STAB2: variants seen among roughly 807,000 people sequenced by gnomAD.
STAB2 encodes the protein stabilin 2.
Under a neutral mutation model 338.1 loss-of-function variants are expected in STAB2, and 288 were observed. The observed-to-expected ratio is 0.85, with a 90% CI of 0.77 to 0.94. The LOEUF is 0.94. Ranked by LOEUF, STAB2 falls within the 40% of genes least tolerant of loss-of-function variation. The probability of loss-of-function intolerance (pLI) is 0.00; values close to 1 mark genes in which losing one functional copy is unlikely to be tolerated. For synonymous variants in STAB2, 1,202 were observed against 1,193.3 expected, an observed-to-expected ratio of 1.01 and a Z score of -0.15; for missense variants, 3,141 against 3,210.1, an observed-to-expected ratio of 0.98 and a Z score of 0.52.
intron 15 of STAB2, among the ~76,000 whole-genome samples, chr12:103,660,048 G>A (rs1874476317): frequency 6.6e-6 from 1 of 152,206 alleles, no homozygotes; most frequent in South Asian, 2.1e-4. Context: ...TTTGAATGTC[G>A]GTATTACCAC....
intron 3 of STAB2, among the ~76,000 whole-genome samples, chr12:103,608,382 T>A (rs1417451873): frequency 3.3e-5 from 5 of 152,190 alleles, no homozygotes; most frequent in Admixed American, 6.5e-5. Flanking sequence ...GACCTCGTGA[T>A]CCGCCCGCCT....
chr12:103,748,539 A>G (rs1883261234), intron 58 of STAB2, among the ~76,000 whole-genome samples: 1 of 151,724 alleles, frequency 6.6e-6, no homozygotes, highest in Non-Finnish European at 1.5e-5. Context: ...AATGGGGACA[A>G]CAATGTCTAT....
chr12:103,618,432 T>C (rs1269327809), intron 3 of STAB2, among the ~76,000 whole-genome samples: 1 of 152,222 alleles, frequency 6.6e-6, no homozygotes, highest in South Asian at 2.1e-4. Context: ...TTCTGTTGTT[T>C]ATAAGCCACC....
chr12:103,618,610 G>A (rs76079616), intron 3 of STAB2, among the ~76,000 whole-genome samples: 2,392 of 152,272 alleles, frequency 0.016, 72 homozygotes, highest in African/African-American at 0.055. Context: ...AGAGGGAAGG[G>A]ACAGCAGGAA....
At chr12:103,608,335 G>C (rs148874629) in intron 3 of STAB2, among the ~76,000 whole-genome samples, 11 of 152,212 alleles carry the variant, frequency 7.2e-5, no homozygotes, top group Non-Finnish European at 1.3e-4. Flanking sequence ...GTGGAGACAG[G>C]GTTTCACCGT....
chr12:103,717,697 C>A (rs1880430656), intron 43 of STAB2, 73 bp from the exon 44 acceptor site: 1 of 1,338,022 alleles, frequency 7.5e-7, no homozygotes, highest in Non-Finnish European at 1.1e-6. Flanking sequence ...GAGTTCAGGT[C>A]TGAGAGCCAG....
intron 21 of STAB2, among the ~76,000 whole-genome samples, chr12:103,670,277 A>G (rs998615089): frequency 6.6e-6 from 1 of 152,206 alleles, no homozygotes; most frequent in African/African-American, 2.4e-5. Context: ...CAGCACACAT[A>G]TGACCTTGCC....
intron 44 of STAB2, among the ~76,000 whole-genome samples, chr12:103,722,051 G>A (rs1305682669): frequency 1.3e-5 from 2 of 152,190 alleles, no homozygotes; most frequent in Non-Finnish European, 2.9e-5. Flanking sequence ...AAGATTTCCA[G>A]TGAAATGTAA....
chr12:103,660,089 T>TATTGGGTC (rs1874480075), intron 15 of STAB2, among the ~76,000 whole-genome samples: 1 of 152,188 alleles, frequency 6.6e-6, no homozygotes, highest in Admixed American at 6.5e-5. Context: ...AGTCCCCACC[T>TATTGGGTC]CACACGGCTG....
chr12:103,634,499 CT>C (rs1375909921), intron 6 of STAB2, among the ~76,000 whole-genome samples: 1 of 152,262 alleles, frequency 6.6e-6, no homozygotes, highest in Non-Finnish European at 1.5e-5. Context: ...GTCCAACACA[CT>C]CACATATCTT....
In STAB2 at chr12:103,640,219, A is replaced by T; in HGVS notation, c.1003A>T (p.Asn335Tyr). The change falls in exon 9 of 69, where the codon AAT (asparagine) becomes TAT (tyrosine). Residue 335 changes from asparagine (N) to tyrosine (Y), a missense_variant. Physicochemically the swap from Asn to Tyr is moderately radical, Grantham distance 143. Transcript: ENST00000388887. ...TAAATCAGATAACCCGTGTCATAGGAATGCAAATTGCACCACCGTCGCACC... is the reference window on the plus strand; with the variant it reads ...TAAATCAGATAACCCGTGTCATAGGTATGCAAATTGCACCACCGTCGCACC... ...ICKSDNPCHR[N>Y]ANCTTVAPGR... 1 of 1,613,708 alleles carries T rather than the reference A, an allele frequency of 6.2e-7. No homozygotes were observed. The highest frequency in any genetic ancestry group is 8.5e-7 in the Non-Finnish European group (1 of 1,179,742).
chr12:103,647,483 G>T (rs942486656), intron 9 of STAB2, among the ~76,000 whole-genome samples: 1 of 152,074 alleles, frequency 6.6e-6, no homozygotes, highest in African/African-American at 2.4e-5. Context: ...CCCTTACTTC[G>T]CTTTGGTTCC....
rs1874047215 is a variant in STAB2, at chr12:103,654,757, A to G, written c.1551+59A>G. The G allele has an allele frequency of 1.5e-5, 23 of 1,574,692 alleles. 2 individuals carry two copies. The South Asian group carries it at 2.7e-4, about 19-fold the overall frequency. On this transcript the variant is annotated intron_variant, in intron 13 of 68. Transcript: ENST00000388887. ...GTCCATCTTCCTTTGTTCCCTGGAG[A>G]GTCACATCCAGAGCATGCCAGCACT...
At chr12:103,610,431 G>A (rs149910690) in intron 3 of STAB2, among the ~76,000 whole-genome samples, 2,630 of 152,180 alleles carry the variant, frequency 0.017, 69 homozygotes, top group African/African-American at 0.06. Context: ...TGTATGTGTC[G>A]AGGAATTTAT....
chr12:103,685,136 T>C (rs1216000631), intron 27 of STAB2, 52 bp downstream of exon 27: 6 of 1,548,476 alleles, frequency 3.9e-6, no homozygotes, highest in Non-Finnish European at 5.3e-6. Flanking sequence ...TTTAAAAACC[T>C]CTTAGCTAAG....
In STAB2 at chr12:103,692,472, C is replaced by T. The variant is rs975509156; in HGVS notation, c.3298-340C>T. On this transcript the variant is annotated intron_variant, in intron 30 of 68. Transcript: ENST00000388887. The stretch of plus-strand genomic sequence containing the variant: ...GGTCACTTTAATGAGCCTCGAACAG[C>T]ACTTTTGTCAATGAAATAGCATGGA... Among the ~76,000 whole-genome samples, 7 of 152,324 alleles carry T rather than the reference C, an allele frequency of 4.6e-5. 1 individual carries two copies. In the South Asian group the frequency reaches 1.5e-3, roughly 32 times the overall value.
At chr12:103,590,248 G>C (rs1005172450) in intron 1 of STAB2, among the ~76,000 whole-genome samples, 1 of 152,126 alleles carries the variant, frequency 6.6e-6, no homozygotes, top group African/African-American at 2.4e-5. Context: ...CAATTCATTT[G>C]TTTAATCAAC....
At chr12:103,735,691 G>A in intron 52 of STAB2, 111 bp downstream of exon 52, 1 of 937,814 alleles carries the variant, frequency 1.1e-6, no homozygotes, top group Non-Finnish European at 1.5e-6. Flanking sequence ...TCCATTCATA[G>A]CGGGCTCATT....
At chr12:103,685,642 C>G (rs1390880767) in intron 27 of STAB2, among the ~76,000 whole-genome samples, 1 of 152,184 alleles carries the variant, frequency 6.6e-6, no homozygotes, top group Non-Finnish European at 1.5e-5. Context: ...CAACACCCTT[C>G]AGCTCCAGAG....
Sources: allele counts gnomAD v4.1 joint callset (sites outside exome capture counted in the v4.1 genomes callset), GRCh38; gene constraint gnomAD v4.1.1; transcripts MANE v1.5; gene names NCBI Gene and HGNC (gene_info 2026-07-23, HGNC 2026-07-21).